The following TMEM117 variants were observed in gnomAD, a reference collection of about 807,000 sequenced individuals.
TMEM117 encodes transmembrane protein 117.
A neutral mutation model predicts 52.4 loss-of-function variants in TMEM117; 27 were observed. The observed-to-expected ratio is 0.51, with a 90% confidence interval of 0.38 to 0.71. The LOEUF (loss-of-function observed/expected upper bound fraction) is 0.71, where lower values mean the gene tolerates loss of function less well. Ranked by LOEUF, TMEM117 falls within the 30% of genes least tolerant of loss-of-function variation. The probability of loss-of-function intolerance (pLI) is 0.00; values close to 1 mark genes in which losing one functional copy is unlikely to be tolerated. For synonymous variants in TMEM117, 215 were observed against 206.3 expected (o/e 1.04, Z -0.36); for missense variants, 556 against 630.5 (o/e 0.88, Z 1.26).
intron 4 of TMEM117, among the ~76,000 whole-genome samples, chr12:44,167,411 G>A (rs1237604502): frequency 1.3e-5 from 2 of 152,168 alleles, no homozygotes; most frequent in Non-Finnish European, 2.9e-5. Flanking sequence ...GGTCACGCCT[G>A]TAATCCCAGC....
chr12:43,970,398 C>G (rs866640265), intron 3 of TMEM117, among the ~76,000 whole-genome samples: 5 of 152,032 alleles, frequency 3.3e-5, no homozygotes, highest in African/African-American at 4.8e-5. Flanking sequence ...ATGCCATTCT[C>G]CTGCCTCAGC....
chr12:44,165,931 C>T (rs902647067), intron 4 of TMEM117, among the ~76,000 whole-genome samples: 1 of 152,300 alleles, frequency 6.6e-6, no homozygotes, highest in South Asian at 2.1e-4. Flanking sequence ...ACATTCTTCT[C>T]ATCAGCACAT....
intron 2 of TMEM117, among the ~76,000 whole-genome samples, chr12:43,860,360 C>T (rs1359807200): frequency 6.6e-6 from 1 of 152,186 alleles, no homozygotes; most frequent in Non-Finnish European, 1.5e-5. Context: ...GGGGATCCAG[C>T]ATTGAACCCA....
At chr12:44,180,776 A>G (rs1949185697) in intron 4 of TMEM117, among the ~76,000 whole-genome samples, 1 of 151,980 alleles carries the variant, frequency 6.6e-6, no homozygotes, top group African/African-American at 2.4e-5. Flanking sequence ...GGTTGGTTCC[A>G]AGTCTTTGCT....
At chr12:43,944,398 A>AATTTAAG in intron 3 of TMEM117, 56 bp downstream of exon 3, 1 of 1,520,494 alleles carries the variant, frequency 6.6e-7, no homozygotes. Context: ...AACTTGTAAG[A>AATTTAAG]ATTTAAGAGT....
At chr12:44,171,077 G>A (rs1189438064) in intron 4 of TMEM117, among the ~76,000 whole-genome samples, 4 of 148,150 alleles carry the variant, frequency 2.7e-5, no homozygotes, top group African/African-American at 5.0e-5. Context: ...GTGCAGTGGC[G>A]GGATCTCAGC....
At chr12:44,375,901 GT>G (rs1394116716) in intron 6 of TMEM117, among the ~76,000 whole-genome samples, 3 of 152,120 alleles carry the variant, frequency 2.0e-5, no homozygotes, top group African/African-American at 7.2e-5. Flanking sequence ...ATTTGCATCT[GT>G]TTCCCTTCCT....
intron 4 of TMEM117, among the ~76,000 whole-genome samples, chr12:44,145,137 A>G (rs1410287414): frequency 6.6e-6 from 1 of 152,246 alleles, no homozygotes; most frequent in Non-Finnish European, 1.5e-5. Flanking sequence ...AGCCTGGGCG[A>G]CAGAGCGAGA....
intron 4 of TMEM117, among the ~76,000 whole-genome samples, chr12:44,147,077 A>C (rs1402114618): frequency 6.6e-6 from 1 of 152,188 alleles, no homozygotes; most frequent in South Asian, 2.1e-4. Context: ...CAAGAGATAT[A>C]TAACTCAGGG....
chr12:44,325,666 A>T (rs1413590806), intron 6 of TMEM117, among the ~76,000 whole-genome samples: 1 of 151,986 alleles, frequency 6.6e-6, no homozygotes, highest in Non-Finnish European at 1.5e-5. Context: ...TATGTTACAC[A>T]TATTTGTTCT....
At chr12:44,000,182 A>G (rs1049388885) in intron 3 of TMEM117, among the ~76,000 whole-genome samples, 3 of 152,090 alleles carry the variant, frequency 2.0e-5, no homozygotes, top group African/African-American at 7.2e-5. Context: ...CTCTGGGGCA[A>G]TGTACCCGGG....
intron 7 of TMEM117, among the ~76,000 whole-genome samples, chr12:44,382,302 G>A (rs1952031918): frequency 6.6e-6 from 1 of 152,088 alleles, no homozygotes; most frequent in African/African-American, 2.4e-5. Flanking sequence ...GGAAGGACTC[G>A]AAATATATAA....
intron 2 of TMEM117, among the ~76,000 whole-genome samples, chr12:43,871,831 C>T (rs1943711305): frequency 6.6e-6 from 1 of 152,066 alleles, no homozygotes. Flanking sequence ...AGTACTAGGC[C>T]CTATTTAGTC....
At chr12:44,050,447 G>A (rs993267686) in intron 3 of TMEM117, among the ~76,000 whole-genome samples, 1 of 152,194 alleles carries the variant, frequency 6.6e-6, no homozygotes, top group African/African-American at 2.4e-5. Flanking sequence ...AAAGTGCTGG[G>A]ATTACAGACA....
At chr12:44,221,051 G>A (rs1276408776) in intron 5 of TMEM117, among the ~76,000 whole-genome samples, 1 of 152,112 alleles carries the variant, frequency 6.6e-6, no homozygotes, top group Non-Finnish European at 1.5e-5. Flanking sequence ...TGCTTCCAAA[G>A]AATAGACTGT....
chr12:44,352,517 T>G (rs1034992382), intron 6 of TMEM117, among the ~76,000 whole-genome samples: 1 of 152,052 alleles, frequency 6.6e-6, no homozygotes, highest in Admixed American at 6.6e-5. Context: ...CATTGTTCAA[T>G]TTCCACCTAT....
chr12:44,069,685 T>G (rs925605663), intron 3 of TMEM117, among the ~76,000 whole-genome samples: 1 of 152,184 alleles, frequency 6.6e-6, no homozygotes, highest in Non-Finnish European at 1.5e-5. Context: ...CATGATCTGA[T>G]TTAGGCTTTA....
rs1684320478 is a variant in TMEM117, at chr12:44,156,289, T to G, written c.510+12665T>G. 2.6e-5 allele frequency among the ~76,000 whole-genome samples: 4 copies of G among 152,186 alleles called. No homozygotes were observed. In the South Asian group the frequency reaches 8.3e-4, roughly 32 times the overall value. The stretch of plus-strand genomic sequence containing the variant: ...GTGCAGATGTGTACTTAATATGCAT[T>G]GTGGAAATCTTAAATGAATACAAAT... On this transcript the variant is annotated intron_variant, in intron 4 of 7. Coordinates refer to ENST00000266534, the MANE Select transcript of TMEM117 (RefSeq NM_032256.3).
chr12:44,021,923 C>T (rs1337391413), intron 3 of TMEM117, among the ~76,000 whole-genome samples: 1 of 152,168 alleles, frequency 6.6e-6, no homozygotes, highest in African/African-American at 2.4e-5. Flanking sequence ...CTCTTGGGGT[C>T]TTGCCTTTTC....
Sources: gnomAD v4.1 joint callset for allele counts (sites outside exome capture counted in the v4.1 genomes callset) on GRCh38, gnomAD v4.1.1 for gene constraint, MANE v1.5 for transcripts, NCBI Gene and HGNC (gene_info 2026-07-23, HGNC 2026-07-21) for gene names.